CIMIP2A: variants seen among roughly 807,000 people sequenced by gnomAD.
The protein encoded by CIMIP2A is family with sequence similarity 166 member A.
the CIMIP2A span, chr9:137,251,299 G>C: frequency 6.2e-7 from 1 of 1,612,046 alleles, no homozygotes; most frequent in African/African-American, 1.3e-5. Context: ...GATGAATTCT[G>C]ACCAGAAGGC....
the CIMIP2A span, among the ~76,000 whole-genome samples, chr9:137,246,326 G>A: frequency 6.6e-6 from 1 of 152,230 alleles, no homozygotes; most frequent in Non-Finnish European, 1.5e-5. Context: ...TCCTGCACGG[G>A]AAGAGAACTG....
At chr9:137,246,486 G>A in the CIMIP2A span, among the ~76,000 whole-genome samples, 13 of 152,346 alleles carry the variant, frequency 8.5e-5, no homozygotes, top group East Asian at 1.9e-4. Context: ...CCAAAGGGCC[G>A]GGCGCGGTGG....
the CIMIP2A span, chr9:137,252,602 G>C: frequency 6.6e-7 from 1 of 1,511,134 alleles, no homozygotes; most frequent in Non-Finnish European, 8.9e-7. Flanking sequence ...CCAAAGGGGG[G>C]CTGGCTGAGG....
the CIMIP2A span, chr9:137,245,468 G>A: frequency 1.2e-6 from 2 of 1,613,922 alleles, no homozygotes; most frequent in Non-Finnish European, 1.7e-6. Context: ...ATCTGTCTGG[G>A]TATGTTCTCT....
chr9:137,244,347 G>C, the CIMIP2A span: 2 of 1,608,816 alleles, frequency 1.2e-6, no homozygotes, highest in Non-Finnish European at 1.7e-6. Context: ...AGATAGTCAA[G>C]TTGTCCCAGT....
At chr9:137,243,680 ACAC>A in the CIMIP2A span, 3 of 1,614,058 alleles carry the variant, frequency 1.9e-6, no homozygotes, top group East Asian at 2.2e-5. Flanking sequence ...TGCTGTACAG[ACAC>A]CACCATTAAA....
the CIMIP2A span, chr9:137,243,712 G>C: frequency 3.7e-6 from 6 of 1,614,150 alleles, no homozygotes; most frequent in Non-Finnish European, 5.1e-6. Context: ...ATAGTGTGTG[G>C]TTTCGCTTTG....
the CIMIP2A span, chr9:137,247,531 G>C: frequency 1.2e-6 from 1 of 835,928 alleles, no homozygotes; most frequent in Non-Finnish European, 1.9e-6. Context: ...AGTGCCCCGT[G>C]GTGTGGCCTT....
At chr9:137,245,740 G>A in the CIMIP2A span, 4 of 1,598,844 alleles carry the variant, frequency 2.5e-6, no homozygotes, top group South Asian at 1.1e-5. Flanking sequence ...GGACATGGGG[G>A]ACAGCACAGA....
the CIMIP2A span, among the ~76,000 whole-genome samples, chr9:137,254,505 G>T: frequency 1.8e-4 from 27 of 152,368 alleles, no homozygotes; most frequent in Non-Finnish European, 1.9e-4. Flanking sequence ...CTGGGCTGAG[G>T]AGGGAGGGCT....
At chr9:137,251,347 A>G in the CIMIP2A span, 4 of 1,613,752 alleles carry the variant, frequency 2.5e-6, no homozygotes, top group African/African-American at 4.0e-5. Context: ...CAATGGAGGC[A>G]AACACTGGAC....
At chr9:137,252,664 G>A in the CIMIP2A span, 60 of 1,543,228 alleles carry the variant, frequency 3.9e-5, no homozygotes, top group Non-Finnish European at 5.1e-5. Context: ...CCTCGCAGTG[G>A]CCCTCGCCAG....
At chr9:137,249,842 G>A in the CIMIP2A span, among the ~76,000 whole-genome samples, 3 of 152,278 alleles carry the variant, frequency 2.0e-5, no homozygotes, top group African/African-American at 2.4e-5. Flanking sequence ...ACCAGTAAAC[G>A]TCATAACTTC....
the CIMIP2A span, chr9:137,245,849 C>A: frequency 1.6e-5 from 24 of 1,506,466 alleles, no homozygotes; most frequent in Admixed American, 2.2e-5. Flanking sequence ...AAGAAGCCGG[C>A]ATAGCTGTGG....
chr9:137,251,842 C>G, the CIMIP2A span: 1 of 1,607,254 alleles, frequency 6.2e-7, no homozygotes, highest in Non-Finnish European at 8.5e-7. Flanking sequence ...AGGTTACAGA[C>G]GGGCACCCCC....
chr9:137,243,646 T>G, the CIMIP2A span: 2 of 1,613,994 alleles, frequency 1.2e-6, no homozygotes, highest in Admixed American at 3.3e-5. Context: ...TGTGTGCACT[T>G]GCTGTTTTCC....
chr9:137,252,804 T>C, the CIMIP2A span: 13 of 1,564,346 alleles, frequency 8.3e-6, no homozygotes, highest in Admixed American at 2.4e-4. Flanking sequence ...GGCCTCAGGG[T>C]GCAGCCCCAG....
chr9:137,250,697 C>T, the CIMIP2A span: 1 of 158,598 alleles, frequency 6.3e-6, no homozygotes, highest in African/African-American at 2.4e-5. Context: ...CCTCTGTGCC[C>T]CCAGGTGAGA....
the CIMIP2A span, chr9:137,247,807 AG>A: frequency 7.7e-7 from 1 of 1,300,320 alleles, no homozygotes; most frequent in African/African-American, 1.5e-5. Context: ...AACCATTGTG[AG>A]GGGCCAGCAT....
Sources: allele counts gnomAD v4.1 joint callset (sites outside exome capture counted in the v4.1 genomes callset), GRCh38; gene constraint gnomAD v4.1.1; transcripts MANE v1.5; gene names NCBI Gene and HGNC (gene_info 2026-07-23, HGNC 2026-07-21).